KLHL4: variants seen among roughly 807,000 people sequenced by gnomAD.
KLHL4 encodes kelch like family member 4.
In KLHL4, 17 loss-of-function variants were observed where a neutral mutation model predicts 45.8. That is an observed-to-expected ratio of 0.37 (90% CI 0.25 to 0.56). KLHL4 has a LOEUF of 0.56. KLHL4 is among the 20% of genes least tolerant of loss of function. The pLI, the probability that KLHL4 is intolerant of heterozygous loss-of-function variation, is 0.79. For missense variants in KLHL4, 544 were observed against 544.9 expected, an observed-to-expected ratio of 1.00 and a Z score of 0.02; for synonymous variants, 224 against 189.9, an observed-to-expected ratio of 1.18 and a Z score of -1.47.
Position 87,664,787 on chromosome X carries a change from G to A in KLHL4, c.1949G>A (p.Trp650Ter), listed in dbSNP as rs1330423525. 1 of 1,199,986 alleles carries A rather than the reference G, an allele frequency of 8.3e-7. No homozygotes were observed. The change falls in exon 10 of 11, where the codon TGG becomes TAG. Residue 650 changes from tryptophan (W) to a stop codon, truncating the protein, a stop_gained. Transcript: ENST00000373119. LOFTEE classifies it high-confidence loss of function. ...VERYDPKGDSWSTVAPLSVPR... is the reference protein window; with the variant it reads ...VERYDPKGDS ...AGGTATGATCCAAAAGGTGATTCAT[G>A]GTCAACTGTGGCACCTCTGAGTGTT...
chrX:87,543,138 G>T (rs1237215213), intron 1 of KLHL4, among the ~76,000 whole-genome samples: 2 of 111,171 alleles, frequency 1.8e-5, no homozygotes, highest in African/African-American at 6.5e-5. Flanking sequence ...GATTCCTGAG[G>T]CCTCCCCAGC....
At chrX:87,646,945 G>A (rs1225852972) in intron 9 of KLHL4, among the ~76,000 whole-genome samples, 1 of 111,159 alleles carries the variant, frequency 9.0e-6, no homozygotes, top group Non-Finnish European at 1.9e-5. Context: ...ATAATCAGCA[G>A]AGTAAAAAGA....
At chrX:87,630,866 G>A (rs1386852671) in intron 6 of KLHL4, among the ~76,000 whole-genome samples, 1 of 111,759 alleles carries the variant, frequency 8.9e-6, no homozygotes, top group African/African-American at 3.3e-5. Context: ...CCTGAGGTTC[G>A]TTGTCTCTTG....
At chrX:87,556,087 T>A (rs1165569369) in intron 1 of KLHL4, among the ~76,000 whole-genome samples, 1 of 111,141 alleles carries the variant, frequency 9.0e-6, no homozygotes, top group Non-Finnish European at 1.9e-5. Flanking sequence ...TGAGAGACAG[T>A]TTGTTATAAT....
At position 87,517,925 on chromosome X, in the gene KLHL4, T is replaced by C; in HGVS notation, c.32T>C (p.Val11Ala). 1 of 1,210,139 alleles carries C rather than the reference T, an allele frequency of 8.3e-7. No homozygotes were observed. Among genetic ancestry groups the C allele is most frequent in the Non-Finnish European group, 1.1e-6 (1 of 894,678 alleles). ...GTGTCTGGCAAGAAAGAGTTTGATG[T>C]GAAACAGATCCTAAGGCTACGCTGG... MSVSGKKEFD[V>A]KQILRLRWRW... Residue 11 changes from valine (V) to alanine (A), a missense_variant, in exon 1 of 11, where the codon GTG (valine) becomes GCG (alanine). Transcript: ENST00000373119.
At chrX:87,640,754 A>T (rs1923429292) in intron 9 of KLHL4, among the ~76,000 whole-genome samples, 1 of 111,520 alleles carries the variant, frequency 9.0e-6, no homozygotes, top group African/African-American at 3.3e-5. Context: ...GGAAAAGTTG[A>T]AAACATTCTC....
chrX:87,625,396 A>T (rs1428108347), intron 5 of KLHL4, among the ~76,000 whole-genome samples: 3 of 111,750 alleles, frequency 2.7e-5, no homozygotes, highest in African/African-American at 6.5e-5. Flanking sequence ...CAACTGGCTA[A>T]TTTTTGTATT....
intron 1 of KLHL4, among the ~76,000 whole-genome samples, chrX:87,603,489 A>G (rs1040486367): frequency 9.0e-6 from 1 of 111,064 alleles, no homozygotes; most frequent in Admixed American, 9.6e-5. Flanking sequence ...GGGATTTAAT[A>G]ATTAAGCAGA....
chrX:87,592,970 T>G (rs1014140218), intron 1 of KLHL4, among the ~76,000 whole-genome samples: 1 of 111,625 alleles, frequency 9.0e-6, no homozygotes, highest in Non-Finnish European at 1.9e-5. Context: ...GATACAGACT[T>G]CTTGTTTGAT....
chrX:87,578,569 G>A (rs1921167553), intron 1 of KLHL4, among the ~76,000 whole-genome samples: 1 of 112,248 alleles, frequency 8.9e-6, no homozygotes, highest in Non-Finnish European at 1.9e-5. Context: ...CTCCAGATGA[G>A]CACAAAACTG....
intron 6 of KLHL4, among the ~76,000 whole-genome samples, chrX:87,631,270 C>T (rs1484200536): frequency 9.0e-6 from 1 of 111,679 alleles, no homozygotes; most frequent in Non-Finnish European, 1.9e-5. Flanking sequence ...TAGCCCTTTC[C>T]TATCGGTGCA....
rs56249673 is a variant in KLHL4, at chrX:87,669,303, T to C, written c.*2769T>C. On this transcript the variant is annotated 3_prime_UTR_variant, in exon 11 of 11. Transcript: ENST00000373119. Reference sequence around the variant, plus strand: ...GCATCATGATGATTCTCTAACACTGTCTGTCACCTTCCTGTATTTCCACAG... The same window carrying C: ...GCATCATGATGATTCTCTAACACTGCCTGTCACCTTCCTGTATTTCCACAG... The C allele has an allele frequency of 5.7e-3, 6,828 of 1,206,285 alleles. 34 individuals carry two copies. Among genetic ancestry groups the C allele is most frequent in the Non-Finnish European group, 5.7e-3 (5,053 of 893,267 alleles).
At chrX:87,658,011 A>G (rs1021823750) in intron 9 of KLHL4, among the ~76,000 whole-genome samples, 4 of 112,352 alleles carry the variant, frequency 3.6e-5, no homozygotes, top group Non-Finnish European at 7.5e-5. Context: ...AGCAGGCGGC[A>G]GTGAGACCTG....
intron 5 of KLHL4, 125 bp downstream of exon 5, chrX:87,622,548 G>A (rs776160399): frequency 1.3e-4 from 54 of 429,475 alleles, no homozygotes; most frequent in Non-Finnish European, 1.8e-4. Flanking sequence ...TACAAGATTC[G>A]TTTCACAGAA....
chrX:87,543,825 C>G (rs1931616683), intron 1 of KLHL4, among the ~76,000 whole-genome samples: 1 of 111,250 alleles, frequency 9.0e-6, no homozygotes, highest in Non-Finnish European at 1.9e-5. Flanking sequence ...GAACTAGGAT[C>G]AGAGAGAGTG....
intron 9 of KLHL4, among the ~76,000 whole-genome samples, chrX:87,664,082 G>T (rs1178150274): frequency 9.0e-6 from 1 of 111,361 alleles, no homozygotes; most frequent in Non-Finnish European, 1.9e-5. Context: ...AGCTTCAAAG[G>T]TTAGGAAAGA....
At chrX:87,624,872 A>G (rs1381387464) in intron 5 of KLHL4, among the ~76,000 whole-genome samples, 1 of 112,385 alleles carries the variant, frequency 8.9e-6, no homozygotes, top group African/African-American at 3.2e-5. Context: ...GTTAAAAAGC[A>G]CCTGCTTTCA....
In KLHL4 at chrX:87,668,118, T is replaced by C; in HGVS notation, c.*1584T>C. ...ATTTCTGCAGTTCTAGAGGTGAAGA[T>C]AGAGACATAGAGAGGCTGTGAAACA... On this transcript the variant is annotated 3_prime_UTR_variant, in exon 11 of 11. Coordinates refer to ENST00000373119, the MANE Select transcript of KLHL4 (RefSeq NM_019117.5). The C allele has an allele frequency of 1.3e-6, 1 of 751,914 alleles. No homozygotes were observed. The highest frequency in any genetic ancestry group is 6.8e-5 in the South Asian group (1 of 14,779). 62.0% of individuals were successfully genotyped at this position (751,914 alleles called of 1,213,427 possible).
At chrX:87,581,359 C>T (rs769169658) in intron 1 of KLHL4, among the ~76,000 whole-genome samples, 4 of 112,449 alleles carry the variant, frequency 3.6e-5, no homozygotes, top group African/African-American at 1.3e-4. Context: ...AGCTGCTCTC[C>T]GCAAAAGCAA....
Sources: gnomAD v4.1 joint callset for allele counts (sites outside exome capture counted in the v4.1 genomes callset) on GRCh38, gnomAD v4.1.1 for gene constraint, MANE v1.5 for transcripts, NCBI Gene and HGNC (gene_info 2026-07-23, HGNC 2026-07-21) for gene names.